VPS13C: variants seen among roughly 807,000 people sequenced by gnomAD.
VPS13C encodes the protein intermembrane lipid transfer protein VPS13C.
VPS13C carries 358 observed loss-of-function variants against 456.8 expected under a neutral mutation model. The ratio of observed to expected loss-of-function variants is 0.78; its 90% CI spans 0.72 to 0.86. The LOEUF is 0.86. Among genes scored for constraint, VPS13C ranks in the 40% least tolerant of loss-of-function variants. The probability of loss-of-function intolerance (pLI) is 0.00; values close to 1 mark genes in which losing one functional copy is unlikely to be tolerated. For synonymous variants in VPS13C, 1,578 were observed against 1,486.7 expected, an observed-to-expected ratio of 1.06 and a Z score of -1.41; for missense variants, 4,818 against 4,385.4, an observed-to-expected ratio of 1.10 and a Z score of -2.79.
In VPS13C at chr15:61,893,734, T is replaced by C. The variant is rs987413789; in HGVS notation, c.9106-3334A>G. On this transcript the variant is annotated intron_variant, in intron 66 of 84. Transcript: ENST00000644861. ...AAATTGAGACAACAGAATGCCAAGA[T>C]GTATGGGGGATGGACTTAAAAGTGT... Among the ~76,000 whole-genome samples the C allele has an allele frequency of 4.6e-5, 7 of 151,992 alleles. No individual in the cohort carries two copies. The East Asian group carries it at 1.2e-3, about 25-fold the overall frequency.
At chr15:61,999,084 A>G (rs1332697889) in intron 16 of VPS13C, among the ~76,000 whole-genome samples, 1 of 152,164 alleles carries the variant, frequency 6.6e-6, no homozygotes, top group Non-Finnish European at 1.5e-5. Flanking sequence ...TGAAGAATCT[A>G]AAGTTATACA....
At chr15:61,960,025 GC>G (rs1404405495) in intron 35 of VPS13C, among the ~76,000 whole-genome samples, 1 of 152,100 alleles carries the variant, frequency 6.6e-6, no homozygotes, top group East Asian at 1.9e-4. Flanking sequence ...TTCTAGACTT[GC>G]CTTGTAGTCA....
chr15:61,867,970 A>C lies in VPS13C; in HGVS notation c.10863+689T>G, dbSNP rs1302632970. 1 of 1,494,578 alleles carries C rather than the reference A, an allele frequency of 6.7e-7. No individual in the cohort carries two copies. The highest frequency in any genetic ancestry group is 9.3e-7 in the Non-Finnish European group (1 of 1,074,026). The allele number at this position is 1,494,578 out of a possible 1,614,324, so 92.6% of individuals were successfully genotyped here. ...TTGCTGTGCAGGCAGAAAAACAAAGAAAATAAAGTTAGAAGCATGCAGAAA... is the reference window on the plus strand; with the variant it reads ...TTGCTGTGCAGGCAGAAAAACAAAGCAAATAAAGTTAGAAGCATGCAGAAA... On this transcript the variant is annotated intron_variant, in intron 81 of 84. Coordinates refer to ENST00000644861, the MANE Select transcript of VPS13C (RefSeq NM_020821.3). The surrounding 1 kb of genome is among the most constrained non-coding windows in gnomAD (Gnocchi z 5.0).
chr15:61,922,860 G>A, intron 53 of VPS13C, 98 bp from the exon 54 acceptor site: 6 of 938,630 alleles, frequency 6.4e-6, no homozygotes, highest in Non-Finnish European at 8.5e-6. Flanking sequence ...AATTATAAGT[G>A]ACATTTTTAA....
At chr15:62,021,929 T>C (rs1442667077) in intron 8 of VPS13C, among the ~76,000 whole-genome samples, 1 of 151,882 alleles carries the variant, frequency 6.6e-6, no homozygotes, top group Non-Finnish European at 1.5e-5. Flanking sequence ...TGATAAATTA[T>C]TATATTTTCT....
At chr15:61,909,270 C>T (rs1168340011) in intron 64 of VPS13C, 145 bp from the exon 65 acceptor site, 7 of 971,400 alleles carry the variant, frequency 7.2e-6, no homozygotes, top group Non-Finnish European at 1.0e-5. Flanking sequence ...TACAGTGGCG[C>T]CATCTCGGGT....
At chr15:61,884,678 C>A (rs1896135373) in intron 67 of VPS13C, among the ~76,000 whole-genome samples, 1 of 148,404 alleles carries the variant, frequency 6.7e-6, no homozygotes, top group South Asian at 2.1e-4. Flanking sequence ...AAAAACAAGT[C>A]TATTAATGAA....
At chr15:61,875,935 A>T (rs1895391573) in intron 75 of VPS13C, 90 bp from the exon 76 acceptor site, 2 of 906,108 alleles carry the variant, frequency 2.2e-6, no homozygotes, top group Non-Finnish European at 3.2e-6. Flanking sequence ...TACTGATAAA[A>T]TTAAGTTTGT....
rs529383497 is a variant in VPS13C at position 62,010,533 on chromosome 15, G to T, written c.950C>A (p.Thr317Lys). The T allele has an allele frequency of 2.5e-6, 4 of 1,613,418 alleles. No individual in the cohort carries two copies. The highest frequency in any genetic ancestry group is 1.3e-5 in the African/African-American group (1 of 75,004). ...MNPYAESELK[T>K]PKLDCNIEIQ... ...TTCTATGTTGCAATCCAGTTTGGGC[G>T]TTTTGAGCTCTGATTCTGCATAAGG... Residue 317 changes from threonine (T) to lysine (K), a missense_variant, in exon 13 of 85, where the codon ACG becomes AAG. Coordinates refer to ENST00000644861, the MANE Select transcript of VPS13C (RefSeq NM_020821.3).
chr15:62,054,919 C>CA, intron 1 of VPS13C, among the ~76,000 whole-genome samples: 1 of 152,262 alleles, frequency 6.6e-6, no homozygotes, highest in East Asian at 1.9e-4. Flanking sequence ...TCTATCTCAA[C>CA]AATACACTGA....
At chr15:62,023,628 T>C (rs2047537360) in intron 7 of VPS13C, 108 bp from the exon 8 acceptor site, 5 of 1,106,786 alleles carry the variant, frequency 4.5e-6, no homozygotes, top group Admixed American at 2.7e-5. Flanking sequence ...TTACAGCCAA[T>C]AGTGTCTTTA....
At chr15:62,014,034 G>A (rs762984305) in intron 9 of VPS13C, 42 bp from the exon 10 acceptor site, 1 of 1,449,778 alleles carries the variant, frequency 6.9e-7, no homozygotes, top group Admixed American at 1.8e-5. Flanking sequence ...TGGTATGGAT[G>A]TCATTAATAG....
At position 61,962,769 on chromosome 15, in the gene VPS13C, G is replaced by A. The variant is rs1246274497; in HGVS notation, c.3415C>T (p.Pro1139Ser). 6.2e-7 allele frequency: 1 copy of A among 1,603,912 alleles called. No homozygotes were observed. Among genetic ancestry groups the A allele is most frequent in the Non-Finnish European group, 8.5e-7 (1 of 1,173,728 alleles). The change falls in exon 33 of 85, where the codon CCA becomes TCA. Residue 1139 changes from proline (P) to serine (S), a missense_variant. Physicochemically the swap from Pro to Ser is moderately conservative, Grantham distance 74. This residue lies in a region of VPS13C where 4,552 missense variants were observed against 4,130.6 expected (regional missense o/e 1.10). Coordinates refer to ENST00000644861, the MANE Select transcript of VPS13C (RefSeq NM_020821.3). ...CCTACTTTCTTATGAACTGTCTTTG[G>A]ATCAACATCTGTGACAATAATATTT... ...LENIIVTDVDPKTVHKKAVSI... is the reference protein window; with the variant it reads ...LENIIVTDVDSKTVHKKAVSI...
chr15:61,913,708 T>C (rs1286491476), intron 61 of VPS13C, among the ~76,000 whole-genome samples: 12 of 152,160 alleles, frequency 7.9e-5, no homozygotes, highest in Non-Finnish European at 1.5e-5. Flanking sequence ...TTAAAAAGAA[T>C]TATAATGCAA....
intron 1 of VPS13C, among the ~76,000 whole-genome samples, chr15:62,056,130 T>C (rs1348320745): frequency 6.6e-6 from 1 of 152,074 alleles, no homozygotes; most frequent in African/African-American, 2.4e-5. Flanking sequence ...TTCCAAAGAA[T>C]AGTAAGATCA....
Position 61,969,412 on chromosome 15 carries a change from G to C in VPS13C, c.2798C>G (p.Thr933Arg), listed in dbSNP as rs537359716. ...EFTKQQKEED[T>R]ILVFNVTQLG... ...CTGAGTAACATTAAATACTAGAATT[G>C]TATCTTCTTCTTTCTGCTGTTTAGT... Residue 933 changes from threonine to arginine, a missense_variant, in exon 28 of 85, where the codon ACA (threonine) becomes AGA (arginine). Thr to Arg is a moderately conservative substitution (Grantham distance 71, BLOSUM62 -1). Coordinates refer to ENST00000644861, the MANE Select transcript of VPS13C (RefSeq NM_020821.3). 6.4e-7 allele frequency: 1 copy of C among 1,573,408 alleles called. No individual in the cohort carries two copies. The highest frequency in any genetic ancestry group is 2.3e-5 in the East Asian group (1 of 43,894).
At chr15:61,982,412 A>T (rs773191397) in intron 21 of VPS13C, 47 bp downstream of exon 21, 1 of 1,498,606 alleles carries the variant, frequency 6.7e-7, no homozygotes, top group African/African-American at 1.4e-5. Flanking sequence ...GAGTAGGCAA[A>T]ATTTTTAAGC....
chr15:61,868,638 A>G (rs777876065), intron 81 of VPS13C, 21 bp downstream of exon 81: 13 of 1,603,676 alleles, frequency 8.1e-6, no homozygotes, highest in Non-Finnish European at 1.1e-5. Flanking sequence ...TTCACTCGTG[A>G]CCATGAAGAA....
chr15:61,960,271 A>C (rs1319521419), intron 35 of VPS13C, among the ~76,000 whole-genome samples: 2 of 152,194 alleles, frequency 1.3e-5, no homozygotes, highest in Admixed American at 1.3e-4. Flanking sequence ...CTACAGTAGT[A>C]GTCATGTAGT....
Sources: gnomAD v4.1 joint callset for allele counts (sites outside exome capture counted in the v4.1 genomes callset) on GRCh38, gnomAD v4.1.1 for gene constraint, gnomAD v4.1.1 regional missense constraint, Gnocchi (gnomAD v3.1) non-coding constraint, MANE v1.5 for transcripts, NCBI Gene and HGNC (gene_info 2026-07-23, HGNC 2026-07-21) for gene names.